MYCBP2: variants seen among roughly 807,000 people sequenced by gnomAD.
The protein encoded by MYCBP2 is MYC binding protein 2.
Under a neutral mutation model 525.3 loss-of-function variants are expected in MYCBP2, and 120 were observed. The ratio of observed to expected loss-of-function variants is 0.23; its 90% CI spans 0.20 to 0.27. The LOEUF is 0.27. Ranked by LOEUF, MYCBP2 falls within the 10% of genes least tolerant of loss-of-function variation. The probability of loss-of-function intolerance (pLI) is 1.00; values close to 1 mark genes in which losing one functional copy is unlikely to be tolerated. For missense variants in MYCBP2, 4,149 were observed against 5,657.1 expected (o/e 0.73, Z 8.55); for synonymous variants, 1,894 against 1,955.8 (o/e 0.97, Z 0.83).
chr13:77,140,192 T>C (rs368288211), intron 50 of MYCBP2, 29 bp from the exon 51 acceptor site: 9 of 1,413,954 alleles, frequency 6.4e-6, no homozygotes, highest in East Asian at 4.6e-5. Context: ...AACAGTGAGG[T>C]AGGAAGAACA....
chr13:77,110,760 A>G (rs560800177), intron 55 of MYCBP2, among the ~76,000 whole-genome samples: 2 of 152,246 alleles, frequency 1.3e-5, no homozygotes, highest in East Asian at 3.9e-4. Context: ...CTTAGGGAAA[A>G]TAGAAAGAAC....
chr13:77,256,030 A>C (rs2072124800), intron 14 of MYCBP2, among the ~76,000 whole-genome samples: 1 of 152,058 alleles, frequency 6.6e-6, no homozygotes, highest in Non-Finnish European at 1.5e-5. Flanking sequence ...CAACAACAAA[A>C]CAAGACCACA....
intron 44 of MYCBP2, among the ~76,000 whole-genome samples, chr13:77,160,064 A>AT (rs2057704884): frequency 7.0e-6 from 1 of 143,634 alleles, no homozygotes; most frequent in African/African-American, 2.6e-5. Context: ...AAAATCACAA[A>AT]CTTTTTTTTT....
intron 51 of MYCBP2, among the ~76,000 whole-genome samples, 154 bp from the exon 52 acceptor site, chr13:77,139,490 A>G (rs960018920): frequency 1.3e-5 from 2 of 151,580 alleles, no homozygotes; most frequent in Admixed American, 6.6e-5. Context: ...CCCTCCAGGG[A>G]AAAAAAAAGC....
At chr13:77,116,945 T>C (rs551185918) in intron 55 of MYCBP2, among the ~76,000 whole-genome samples, 3 of 152,204 alleles carry the variant, frequency 2.0e-5, no homozygotes, top group Admixed American at 6.5e-5. Flanking sequence ...CTGCTACTGC[T>C]ATGACACAGG....
intron 1 of MYCBP2, among the ~76,000 whole-genome samples, chr13:77,303,060 C>T (rs978525680): frequency 7.2e-5 from 11 of 152,172 alleles, no homozygotes; most frequent in African/African-American, 2.7e-4. Context: ...ATCGGCCAGG[C>T]GCGGTGGCTC....
chr13:77,178,369 G>C (rs1188402737), intron 34 of MYCBP2, among the ~76,000 whole-genome samples: 2 of 152,174 alleles, frequency 1.3e-5, no homozygotes, highest in Admixed American at 1.3e-4. Flanking sequence ...GCAAGGAAGA[G>C]GTAAATTTAT....
chr13:77,252,647 C>CTGATAATACAGCTGAGTGATA (rs1410451850), intron 14 of MYCBP2, among the ~76,000 whole-genome samples: 3 of 152,144 alleles, frequency 2.0e-5, no homozygotes, highest in Non-Finnish European at 4.4e-5. Context: ...ATCCATTTAA[C>CTGATAATACAGCTGAGTGATA]ATACAGCTAT....
chr13:77,278,049 CTTTA>C (rs2075818254), intron 4 of MYCBP2, among the ~76,000 whole-genome samples: 1 of 152,130 alleles, frequency 6.6e-6, no homozygotes, highest in African/African-American at 2.4e-5. Flanking sequence ...AAAGCGAACA[CTTTA>C]TTTACTTAAT....
Position 77,270,335 on chromosome 13 carries a change from T to C in MYCBP2, c.1149A>G (p.Gly383=), listed in dbSNP as rs772415990. The change falls in exon 6 of 83, where the codon GGA becomes GGG. Residue 383 remains glycine, a synonymous_variant. Transcript: ENST00000544440. ...GFFLYLLCKD[G]LYKIGSGYSG... ...TGTATCCAGAGCCTATTTTATATAA[T>C]CCATCCTTGCATAATAGATAAAGAA... 3.1e-6 allele frequency: 5 copies of C among 1,613,534 alleles called. No individual in the cohort carries two copies. Among genetic ancestry groups the C allele is most frequent in the Non-Finnish European group, 3.4e-6 (4 of 1,179,660 alleles).
intron 32 of MYCBP2, among the ~76,000 whole-genome samples, chr13:77,182,330 T>A (rs113393090): frequency 5.9e-5 from 9 of 152,352 alleles, no homozygotes; most frequent in African/African-American, 2.2e-4. Context: ...ATTATAAATC[T>A]GTGCTATTAC....
chr13:77,288,407 A>G, intron 2 of MYCBP2, 31 bp from the exon 3 acceptor site: 1 of 1,559,594 alleles, frequency 6.4e-7, no homozygotes, highest in South Asian at 1.1e-5. Context: ...TTTCCATTTC[A>G]CACTCTTTTC....
intron 33 of MYCBP2, 63 bp downstream of exon 33, chr13:77,181,638 C>T (rs2060227268): frequency 7.5e-7 from 1 of 1,338,434 alleles, no homozygotes; most frequent in Non-Finnish European, 1.1e-6. Flanking sequence ...ATAAAAGAGG[C>T]AATAAATAAA....
intron 57 of MYCBP2, 80 bp from the exon 58 acceptor site, chr13:77,095,682 T>G: frequency 6.7e-7 from 1 of 1,490,696 alleles, no homozygotes; most frequent in Non-Finnish European, 9.0e-7. Context: ...ATTTTGAGTT[T>G]CCAATAAAAA....
At chr13:77,256,407 G>C (rs1249565140) in intron 14 of MYCBP2, among the ~76,000 whole-genome samples, 1 of 151,988 alleles carries the variant, frequency 6.6e-6, no homozygotes, top group Non-Finnish European at 1.5e-5. Flanking sequence ...ATTGGAGTAA[G>C]CCAGCACATT....
Position 77,094,476 on chromosome 13 carries a change from C to G in MYCBP2, c.10199+882G>C, listed in dbSNP as rs570559788. Among the ~76,000 whole-genome samples, 196 of 152,234 alleles carry G rather than the reference C, an allele frequency of 1.3e-3. No individual in the cohort carries two copies. In the Middle Eastern group the frequency reaches 0.02, roughly 16 times the overall value. On this transcript the variant is annotated intron_variant, in intron 58 of 82. Transcript: ENST00000544440. The stretch of plus-strand genomic sequence containing the variant: ...TGTATTTCTCTGTTTAAAATTCTTC[C>G]ACTGTTTCCTCTGCTCATGGGATAA...
At chr13:77,131,462 T>G in intron 52 of MYCBP2, among the ~76,000 whole-genome samples, 1 of 151,258 alleles carries the variant, frequency 6.6e-6, no homozygotes, top group East Asian at 1.9e-4. Flanking sequence ...AAGTCCAGCT[T>G]GGGCAACAAC....
intron 16 of MYCBP2, 97 bp downstream of exon 16, chr13:77,243,709 A>T: frequency 1.9e-6 from 2 of 1,068,360 alleles, no homozygotes; most frequent in Non-Finnish European, 2.6e-6. Context: ...TTATTATCCT[A>T]ATTTATTAAC....
chr13:77,128,754 T>C (rs1376218719), intron 52 of MYCBP2, among the ~76,000 whole-genome samples: 1 of 151,934 alleles, frequency 6.6e-6, no homozygotes, highest in Non-Finnish European at 1.5e-5. Context: ...TTCATGAATT[T>C]CAATATTATT....
Sources: allele counts gnomAD v4.1 joint callset (sites outside exome capture counted in the v4.1 genomes callset), GRCh38; gene constraint gnomAD v4.1.1; transcripts MANE v1.5; gene names NCBI Gene and HGNC (gene_info 2026-07-23, HGNC 2026-07-21).